The following WIPF2 variants were observed in gnomAD, a reference collection of about 807,000 sequenced individuals.
WIPF2 encodes the protein WAS/WASL interacting protein family member 2.
A neutral mutation model predicts 38.8 loss-of-function variants in WIPF2; 23 were observed. The ratio of observed to expected loss-of-function variants is 0.59; its 90% CI spans 0.43 to 0.84. The LOEUF (loss-of-function observed/expected upper bound fraction) is 0.84. WIPF2 is among the 40% of genes least tolerant of loss of function. WIPF2 has a pLI of 0.00. For synonymous variants in WIPF2, 210 were observed against 223.2 expected (o/e 0.94, Z 0.53); for missense variants, 574 against 580.5 (o/e 0.99, Z 0.11).
rs888382294 is a variant in WIPF2, at chr17:40,219,419, C to CG, written c.-137dup. ...GCGGCGACGGCGAGAAAGAGCTTGC[C>CG]GGGGGGCGAGCAGGACAGGACGAAG... On this transcript the variant is annotated 5_prime_UTR_variant, in exon 1 of 8. Transcript: ENST00000323571. The CG allele has an allele frequency of 3.7e-5, 14 of 382,368 alleles. No individual in the cohort carries two copies. The highest frequency in any genetic ancestry group is 7.0e-5 in the South Asian group (3 of 42,794). 23.7% of individuals were successfully genotyped at this position (382,368 alleles called of 1,614,324 possible).
At chr17:40,256,648 C>G (rs778951114) in intron 2 of WIPF2, 126 bp downstream of exon 2, 61 of 1,284,524 alleles carry the variant, frequency 4.7e-5, no homozygotes, top group Non-Finnish European at 6.1e-5. Flanking sequence ...TAGTAGCATT[C>G]CTATTCTTTA....
intron 6 of WIPF2, 65 bp from the exon 7 acceptor site, chr17:40,277,018 G>A (rs770112364): frequency 7.6e-5 from 105 of 1,389,592 alleles, no homozygotes; most frequent in Non-Finnish European, 1.0e-4. Context: ...GAGGGTCGAA[G>A]CGATCAGAGG....
At chr17:40,261,905 ACCT>A (rs1248816611) in intron 3 of WIPF2, among the ~76,000 whole-genome samples, 2 of 141,060 alleles carry the variant, frequency 1.4e-5, no homozygotes, top group African/African-American at 5.3e-5. Flanking sequence ...CCATCTCCTG[ACCT>A]CATGATCCGC....
intron 1 of WIPF2, among the ~76,000 whole-genome samples, chr17:40,236,239 G>C (rs978256378): frequency 2.0e-5 from 3 of 151,938 alleles, no homozygotes; most frequent in African/African-American, 7.3e-5. Flanking sequence ...AAAGTGCTGG[G>C]ATTACAGGCA....
At chr17:40,225,860 G>T (rs986586177) in intron 1 of WIPF2, among the ~76,000 whole-genome samples, 2 of 151,954 alleles carry the variant, frequency 1.3e-5, no homozygotes, top group Non-Finnish European at 2.9e-5. Flanking sequence ...TCGCCATGTT[G>T]CCCAGCCTGG....
intron 1 of WIPF2, among the ~76,000 whole-genome samples, chr17:40,245,836 T>A (rs373935818): frequency 6.6e-6 from 1 of 152,190 alleles, no homozygotes; most frequent in Non-Finnish European, 1.5e-5. Flanking sequence ...AAAAATACTT[T>A]GGCACTCAGT....
Position 40,264,603 on chromosome 17 carries a change from G to T in WIPF2, c.427G>T (p.Ala143Ser), listed in dbSNP as rs368672904. Residue 143 changes from alanine to serine, a missense_variant, in exon 5 of 8, where the codon GCC becomes TCC. Ala to Ser is a moderately conservative substitution (Grantham distance 99). Transcript: ENST00000323571. ...RPQDDTDSSRASLPELPRMQR... is the reference protein window; with the variant it reads ...RPQDDTDSSRSSLPELPRMQR... ...TCAGGATGATACAGACAGCAGCCGG[G>T]CCTCACTCCCAGAACTGCCCCGGAT... 2 of 1,614,128 alleles carry T rather than the reference G, an allele frequency of 1.2e-6. No homozygotes were observed. Among genetic ancestry groups the T allele is most frequent in the East Asian group, 4.5e-5 (2 of 44,874 alleles).
chr17:40,260,521 CTCTTA>C lies in WIPF2; in HGVS notation c.64-11_64-7del. Reference sequence around the variant, plus strand: ...AACTCTTTAGGGTGAACTTATATTTCTCTTATCCTCCAGGCAAACACAGAGCAGCC... The same window carrying C: ...AACTCTTTAGGGTGAACTTATATTTCTCCTCCAGGCAAACACAGAGCAGCC... On this transcript the variant is annotated splice_polypyrimidine_tract_variant and intron_variant, in intron 2 of 7. Coordinates refer to ENST00000323571, the MANE Select transcript of WIPF2 (RefSeq NM_133264.5). 1.9e-6 allele frequency: 3 copies of C among 1,613,240 alleles called. No individual in the cohort carries two copies. Among genetic ancestry groups the C allele is most frequent in the Non-Finnish European group, 2.5e-6 (3 of 1,179,640 alleles).
intron 5 of WIPF2, among the ~76,000 whole-genome samples, chr17:40,267,181 A>G (rs561551593): frequency 9.3e-5 from 14 of 151,212 alleles, no homozygotes; most frequent in Admixed American, 5.3e-4. Context: ...AATTAGTCTC[A>G]TGTGTTCAGT....
chr17:40,257,692 G>A (rs890977135), intron 2 of WIPF2, among the ~76,000 whole-genome samples: 1 of 147,748 alleles, frequency 6.8e-6, no homozygotes, highest in Non-Finnish European at 1.5e-5. Context: ...GTTGCAGTGA[G>A]CTGAGATCAT....
At chr17:40,272,681 G>T (rs995022432) in intron 5 of WIPF2, among the ~76,000 whole-genome samples, 7 of 152,122 alleles carry the variant, frequency 4.6e-5, no homozygotes, top group Admixed American at 3.9e-4. Context: ...AGTAAGGGAA[G>T]GGGGGATATC....
intron 1 of WIPF2, among the ~76,000 whole-genome samples, chr17:40,229,973 TGTG>T (rs1360907710): frequency 2.6e-5 from 4 of 152,074 alleles, no homozygotes; most frequent in Non-Finnish European, 2.9e-5. Context: ...GAGGTTCCAG[TGTG>T]GCTGGAGCTT....
chr17:40,272,421 T>C (rs955792046), intron 5 of WIPF2, among the ~76,000 whole-genome samples: 1 of 152,228 alleles, frequency 6.6e-6, no homozygotes, highest in African/African-American at 2.4e-5. Context: ...AAACTTGCTT[T>C]GGAGGCAATT....
At chr17:40,226,189 TAA>T (rs1187842305) in intron 1 of WIPF2, among the ~76,000 whole-genome samples, 37 of 121,424 alleles carry the variant, frequency 3.0e-4, no homozygotes, top group African/African-American at 7.4e-4. Context: ...GGATAGTTGG[TAA>T]AAAAAAAAAA....
intron 1 of WIPF2, among the ~76,000 whole-genome samples, chr17:40,234,076 T>TA (rs111451831): frequency 4.8e-5 from 7 of 146,200 alleles, no homozygotes; most frequent in East Asian, 2.1e-4. Flanking sequence ...AAAATAATAA[T>TA]AAAAAAAACA....
intron 5 of WIPF2, among the ~76,000 whole-genome samples, chr17:40,265,797 G>T (rs986273147): frequency 7.2e-5 from 11 of 152,120 alleles, no homozygotes; most frequent in African/African-American, 2.7e-4. Flanking sequence ...GAAGTAGTAT[G>T]ATTTGATTCA....
In WIPF2 at chr17:40,278,230, T is replaced by C. The variant is rs2032467626; in HGVS notation, c.*5T>C. 3 of 1,613,720 alleles carry C rather than the reference T, an allele frequency of 1.9e-6. No individual in the cohort carries two copies. The highest frequency in any genetic ancestry group is 1.7e-5 in the Admixed American group (1 of 59,946). ...CTGCCACCCATTCTCAGGTGAAGCCTGGCTTGGTCCCGTTCCTCAGGAAAA... is the reference window on the plus strand; with the variant it reads ...CTGCCACCCATTCTCAGGTGAAGCCCGGCTTGGTCCCGTTCCTCAGGAAAA... On this transcript the variant is annotated 3_prime_UTR_variant, in exon 8 of 8. Transcript: ENST00000323571.
intron 1 of WIPF2, among the ~76,000 whole-genome samples, chr17:40,236,201 C>T (rs917175417): frequency 8.7e-5 from 13 of 150,038 alleles, no homozygotes; most frequent in Non-Finnish European, 1.5e-4. Flanking sequence ...CTCCTGACCT[C>T]GGGGTGATCC....
intron 1 of WIPF2, among the ~76,000 whole-genome samples, chr17:40,224,181 C>T (rs2030374348): frequency 6.7e-6 from 1 of 149,438 alleles, no homozygotes; most frequent in Non-Finnish European, 1.5e-5. Flanking sequence ...GCTCGGTGCT[C>T]CTGGGCGGAC....
Sources: allele counts gnomAD v4.1 joint callset (sites outside exome capture counted in the v4.1 genomes callset), GRCh38; gene constraint gnomAD v4.1.1; transcripts MANE v1.5; gene names NCBI Gene and HGNC (gene_info 2026-07-23, HGNC 2026-07-21).